Variants in ALG12 observed in about 807,000 individuals in gnomAD.
ALG12 encodes the protein ALG12 alpha-1,6-mannosyltransferase, also known as dol-P-Man:Man(7)GlcNAc(2)-PP-Dol alpha-1,6-mannosyltransferase.
Under a neutral mutation model 46.0 loss-of-function variants are expected in ALG12, and 36 were observed. The observed-to-expected ratio is 0.78, with a 90% confidence interval of 0.60 to 1.03. ALG12 has a LOEUF of 1.03. ALG12 is among the 50% of genes least tolerant of loss of function. ALG12 has a pLI of 0.00. For synonymous variants in ALG12, 326 were observed against 291.6 expected, an observed-to-expected ratio of 1.12 and a Z score of -1.20; for missense variants, 599 against 633.5, an observed-to-expected ratio of 0.95 and a Z score of 0.58.
chr22:49,861,922 T>C, the ALG12 span, among the ~76,000 whole-genome samples: 3 of 152,252 alleles, frequency 2.0e-5, no homozygotes, highest in South Asian at 6.2e-4. Flanking sequence ...AGGATACATG[T>C]AATTTTGGTG....
Position 49,913,696 on chromosome 22 carries a change from G to A in ALG12, c.70C>T (p.His24Tyr). 2 of 1,614,014 alleles carry A rather than the reference G, an allele frequency of 1.2e-6. No homozygotes were observed. The highest frequency in any genetic ancestry group is 2.2e-5 in the East Asian group (1 of 44,874). Residue 24 changes from histidine to tyrosine, a missense_variant, in exon 2 of 10, where the codon CAC becomes TAC. Physicochemically the swap from His to Tyr is moderately conservative, Grantham distance 83. Transcript: ENST00000330817. ...LGLLVAVATV[H>Y]LVICPYTKVE... The stretch of plus-strand genomic sequence containing the variant: ...TTGGTGTAGGGACAGATGACCAGGT[G>A]GACAGTGGCTACGGCCACCAGCAGC...
At chr22:49,915,403 A>G (rs1462153211) in intron 1 of ALG12, among the ~76,000 whole-genome samples, 2 of 151,930 alleles carry the variant, frequency 1.3e-5, no homozygotes, top group Non-Finnish European at 2.9e-5. Context: ...CTAAAAATAC[A>G]AAAATTAGCT....
At chr22:49,888,414 C>T in the ALG12 span, 1 of 167,182 alleles carries the variant, frequency 6.0e-6, no homozygotes. Flanking sequence ...AACTCAGTTT[C>T]TGAAATTAAA....
the ALG12 span, among the ~76,000 whole-genome samples, chr22:49,878,487 A>G: frequency 6.6e-6 from 1 of 152,214 alleles, no homozygotes; most frequent in Non-Finnish European, 1.5e-5. Context: ...ACAAAGTTAC[A>G]TGGGCACTTC....
the ALG12 span, among the ~76,000 whole-genome samples, chr22:49,892,055 G>A: frequency 4.6e-5 from 7 of 152,026 alleles, no homozygotes; most frequent in African/African-American, 1.7e-4. Context: ...GGGTGTGGTG[G>A]TGGGCGTCTG....
the ALG12 span, among the ~76,000 whole-genome samples, chr22:49,866,136 A>T: frequency 1.3e-5 from 2 of 151,972 alleles, no homozygotes; most frequent in Non-Finnish European, 1.5e-5. Flanking sequence ...AGCCCAAAGG[A>T]TTTAAGTCTA....
At chr22:49,885,161 A>G in the ALG12 span, 2 of 1,613,582 alleles carry the variant, frequency 1.2e-6, no homozygotes, top group Non-Finnish European at 8.5e-7. Context: ...CTGATGAGAC[A>G]TCTCTACCGG....
chr22:49,908,502 T>TG (rs546633199), intron 6 of ALG12, among the ~76,000 whole-genome samples: 18 of 106,238 alleles, frequency 1.7e-4, no homozygotes, highest in Admixed American at 3.4e-4. Flanking sequence ...TACTCCAACC[T>TG]GGCGACAGAG....
chr22:49,896,831 G>A (rs1241864118), downstream of ALG12, among the ~76,000 whole-genome samples: 2 of 117,460 alleles, frequency 1.7e-5, no homozygotes, highest in African/African-American at 3.2e-5. Flanking sequence ...TAGTAGAGAC[G>A]GGTTTCGCCA....
At chr22:49,876,835 T>C in the ALG12 span, among the ~76,000 whole-genome samples, 2 of 152,218 alleles carry the variant, frequency 1.3e-5, no homozygotes, top group Non-Finnish European at 2.9e-5. Flanking sequence ...TTACAAAATA[T>C]AGGAATTCTC....
the ALG12 span, among the ~76,000 whole-genome samples, chr22:49,881,643 C>T: frequency 6.6e-6 from 1 of 152,186 alleles, no homozygotes; most frequent in African/African-American, 2.4e-5. Flanking sequence ...CTCCTGAGTT[C>T]CTGAGTAGCT....
In ALG12 at chr22:49,906,012, C is replaced by T. The variant is rs1601819978; in HGVS notation, c.993-1506G>A. Among the ~76,000 whole-genome samples, 1 of 152,210 alleles carries T rather than the reference C, an allele frequency of 6.6e-6. No individual in the cohort carries two copies. The highest frequency in any genetic ancestry group is 1.9e-4 in the East Asian group (1 of 5,198). ...CCCTGGGCCCTGACACCGTGGGAAA[C>T]GGCCTGCTCTTGCTCCCAGGGTGGC... On this transcript the variant is annotated intron_variant, in intron 7 of 9. Coordinates refer to ENST00000330817, the MANE Select transcript of ALG12 (RefSeq NM_024105.4). This position sits in a 1 kb window ranked among gnomAD's most constrained non-coding sequence, Gnocchi z 4.4.
At chr22:49,911,196 A>G (rs1396892209) in intron 3 of ALG12, among the ~76,000 whole-genome samples, 1 of 152,236 alleles carries the variant, frequency 6.6e-6, no homozygotes, top group African/African-American at 2.4e-5. Flanking sequence ...GACTGAAAAC[A>G]GGAAGAAAAA....
downstream of ALG12, among the ~76,000 whole-genome samples, chr22:49,899,236 G>C (rs1478534933): frequency 6.6e-6 from 1 of 152,148 alleles, no homozygotes; most frequent in Non-Finnish European, 1.5e-5. Flanking sequence ...ATTTTGGGTG[G>C]GAGGCCGAGG....
chr22:49,880,932 C>T, the ALG12 span, among the ~76,000 whole-genome samples: 1 of 152,144 alleles, frequency 6.6e-6, no homozygotes, highest in African/African-American at 2.4e-5. Context: ...GTATACAGGT[C>T]TTCTTTTTAA....
At chr22:49,882,712 G>A in the ALG12 span, among the ~76,000 whole-genome samples, 3 of 152,138 alleles carry the variant, frequency 2.0e-5, no homozygotes, top group African/African-American at 4.8e-5. Context: ...GTCAGGTCCC[G>A]TGACTGTCTC....
In ALG12 at chr22:49,904,250, G is replaced by A; in HGVS notation, c.1167C>T (p.Val389=). 1 of 1,614,104 alleles carries A rather than the reference G, an allele frequency of 6.2e-7. No homozygotes were observed. The highest frequency in any genetic ancestry group is 8.5e-7 in the Non-Finnish European group (1 of 1,179,990). ...CGGCTGCCACGTCAATGTGCAGAAGGACGTCTAGGAAAACCAGGCCTGCCG... is the reference window on the plus strand; with the variant it reads ...CGGCTGCCACGTCAATGTGCAGAAGAACGTCTAGGAAAACCAGGCCTGCCG... ...LHQLVPPQTD[V]LLHIDVAAAQ... is the part of the protein sequence containing the mutation. The change falls in exon 9 of 10, where the codon GTC becomes GTT. Residue 389 remains valine, a synonymous_variant. Coordinates refer to ENST00000330817, the MANE Select transcript of ALG12 (RefSeq NM_024105.4).
rs772813973 is a variant in ALG12, at chr22:49,904,214, A to C, written c.1203T>G (p.Gly401=). The C allele has an allele frequency of 5.0e-6, 8 of 1,614,066 alleles. No individual in the cohort carries two copies. The highest frequency in any genetic ancestry group is 5.9e-6 in the Non-Finnish European group (7 of 1,179,966). Residue 401 remains glycine, a synonymous_variant, in exon 9 of 10, where the codon GGT becomes GGG. Coordinates refer to ENST00000330817, the MANE Select transcript of ALG12 (RefSeq NM_024105.4). ...LHIDVAAAQT[G]VSRFLQVNSA... ...TGTTGACTTGGAGAAACCGAGACAC[A>C]CCTGTCTGGGCGGCTGCCACGTCAA...
chr22:49,863,625 CAAAAA>C, the ALG12 span, among the ~76,000 whole-genome samples: 1 of 94,308 alleles, frequency 1.1e-5, no homozygotes. Context: ...GACTCCGTCT[CAAAAA>C]AAAAAAAAAA....
Sources: allele counts gnomAD v4.1 joint callset (sites outside exome capture counted in the v4.1 genomes callset), GRCh38; gene constraint gnomAD v4.1.1; non-coding constraint Gnocchi (gnomAD v3.1); transcripts MANE v1.5; gene names NCBI Gene and HGNC (gene_info 2026-07-23, HGNC 2026-07-21).